TENM4: variants seen among roughly 807,000 people sequenced by gnomAD.
TENM4 encodes teneurin transmembrane protein 4.
Under a neutral mutation model 243.3 loss-of-function variants are expected in TENM4, and 82 were observed. The observed-to-expected ratio is 0.34, with a 90% CI of 0.28 to 0.40. TENM4 has a LOEUF of 0.40. TENM4 is among the 10% of genes least tolerant of loss of function. TENM4 has a pLI of 1.00. For synonymous variants in TENM4, 1,412 were observed against 1,456.3 expected (o/e 0.97, Z 0.69); for missense variants, 3,138 against 3,673.3 (o/e 0.85, Z 3.77).
chr11:78,671,285 G>GTCTC (rs10701077), intron 31 of TENM4, among the ~76,000 whole-genome samples: 16 of 151,240 alleles, frequency 1.1e-4, no homozygotes, highest in East Asian at 7.8e-4. Flanking sequence ...GACCTCCAAG[G>GTCTC]TCTCTCTCTC....
chr11:78,983,812 G>A (rs1591182803), intron 6 of TENM4, among the ~76,000 whole-genome samples: 2 of 152,340 alleles, frequency 1.3e-5, no homozygotes, highest in South Asian at 4.1e-4. Context: ...GGGCTCAGTG[G>A]GGTGGCAGCT....
intron 3 of TENM4, among the ~76,000 whole-genome samples, chr11:79,207,104 A>G (rs561216877): frequency 1.9e-4 from 29 of 152,266 alleles, no homozygotes; most frequent in African/African-American, 7.0e-4. Context: ...GGACAGGGGC[A>G]GAAGCAAGGC....
chr11:79,416,147 G>A (rs1177369545), intron 1 of TENM4, among the ~76,000 whole-genome samples: 1 of 152,136 alleles, frequency 6.6e-6, no homozygotes. Context: ...CCTGTTGATG[G>A]ACATTTGGGT....
chr11:78,926,014 C>A (rs1446712208), intron 6 of TENM4, among the ~76,000 whole-genome samples: 3 of 151,522 alleles, frequency 2.0e-5, no homozygotes, highest in African/African-American at 7.3e-5. Flanking sequence ...CCAATGACTA[C>A]CTATTTAACA....
chr11:78,742,828 A>C (rs1042478923), intron 19 of TENM4, among the ~76,000 whole-genome samples: 3 of 152,200 alleles, frequency 2.0e-5, no homozygotes, highest in Admixed American at 6.5e-5. Flanking sequence ...AAAATCAAGC[A>C]AATAAAAAGC....
At chr11:78,870,467 G>T (rs922527364) in intron 9 of TENM4, among the ~76,000 whole-genome samples, 1 of 152,170 alleles carries the variant, frequency 6.6e-6, no homozygotes, top group Non-Finnish European at 1.5e-5. Context: ...AAGCATGATT[G>T]CTATAAAACT....
At chr11:78,939,293 T>C (rs936626549) in intron 6 of TENM4, among the ~76,000 whole-genome samples, 8 of 152,220 alleles carry the variant, frequency 5.3e-5, no homozygotes, top group Non-Finnish European at 8.8e-5. Context: ...GAGCTGACCA[T>C]GTCAGAGCTC....
chr11:79,223,211 G>T (rs182456992), intron 2 of TENM4, among the ~76,000 whole-genome samples: 3 of 152,212 alleles, frequency 2.0e-5, no homozygotes, highest in African/African-American at 4.8e-5. Context: ...GGATATGCAA[G>T]AACTGCCTGT....
chr11:79,334,620 C>T (rs1857118212), intron 1 of TENM4, among the ~76,000 whole-genome samples: 1 of 152,156 alleles, frequency 6.6e-6, no homozygotes, highest in South Asian at 2.1e-4. Flanking sequence ...AGGAAAAAAC[C>T]CTATCTGTAG....
At chr11:79,388,716 T>C (rs568212733) in intron 1 of TENM4, among the ~76,000 whole-genome samples, 1 of 152,278 alleles carries the variant, frequency 6.6e-6, no homozygotes, top group East Asian at 1.9e-4. Flanking sequence ...ATGTGGCCAC[T>C]GCCCTCATGG....
intron 1 of TENM4, among the ~76,000 whole-genome samples, chr11:79,433,961 T>C (rs1859220424): frequency 6.6e-6 from 1 of 152,120 alleles, no homozygotes; most frequent in African/African-American, 2.4e-5. Context: ...CTCTACCTGA[T>C]CTAAAGGAAC....
chr11:79,075,297 T>C (rs1321599552), intron 4 of TENM4, among the ~76,000 whole-genome samples: 1 of 152,212 alleles, frequency 6.6e-6, no homozygotes, highest in East Asian at 1.9e-4. Context: ...GCTGGAAGTG[T>C]CCAACTGCAA....
chr11:79,342,842 T>C (rs1364633133), intron 1 of TENM4, among the ~76,000 whole-genome samples: 3 of 152,228 alleles, frequency 2.0e-5, no homozygotes, highest in African/African-American at 7.2e-5. Flanking sequence ...CAGTTCTCAG[T>C]GCAGTTCCCT....
At chr11:79,140,435 G>C (rs7929919) in intron 4 of TENM4, among the ~76,000 whole-genome samples, 82,191 of 151,858 alleles carry the variant, frequency 0.54, 23,212 homozygotes, top group African/African-American at 0.71. Context: ...TATCCCATGT[G>C]TTTTGTGCTG....
At chr11:78,685,512 A>G (rs188705939) in intron 29 of TENM4, among the ~76,000 whole-genome samples, 58 of 152,232 alleles carry the variant, frequency 3.8e-4, no homozygotes, top group African/African-American at 1.2e-3. Flanking sequence ...TGTTTTTTTG[A>G]AATTGGAATG....
chr11:79,085,388 A>AAAAAAAG (rs35826021), intron 4 of TENM4, among the ~76,000 whole-genome samples: 1 of 132,226 alleles, frequency 7.6e-6, no homozygotes, highest in African/African-American at 2.9e-5. Context: ...AAAAAAAAAA[A>AAAAAAAG]GGGGGGTTTT....
At chr11:78,838,267 C>T (rs1404251561) in intron 12 of TENM4, among the ~76,000 whole-genome samples, 1 of 152,118 alleles carries the variant, frequency 6.6e-6, no homozygotes, top group South Asian at 2.1e-4. Flanking sequence ...GATCATAATG[C>T]CTTTTTTCCT....
At chr11:78,910,056 A>G (rs1452714155) in intron 6 of TENM4, among the ~76,000 whole-genome samples, 1 of 152,206 alleles carries the variant, frequency 6.6e-6, no homozygotes, top group African/African-American at 2.4e-5. Context: ...CTTTTATAAG[A>G]TCACATTCAT....
chr11:79,309,290 C>T (rs1039004560), intron 1 of TENM4, among the ~76,000 whole-genome samples: 68 of 152,286 alleles, frequency 4.5e-4, no homozygotes, highest in African/African-American at 1.4e-3. Context: ...TACAGGTAGG[C>T]GAATTTCATT....
Sources: gnomAD v4.1 joint callset for allele counts (sites outside exome capture counted in the v4.1 genomes callset) on GRCh38, gnomAD v4.1.1 for gene constraint, MANE v1.5 for transcripts, NCBI Gene and HGNC (gene_info 2026-07-23, HGNC 2026-07-21) for gene names.